Variants in RHBDD1 observed in about 807,000 individuals in gnomAD.
RHBDD1 encodes the protein rhomboid domain containing 1.
In RHBDD1, 38 loss-of-function variants were observed where a neutral mutation model predicts 36.3. The observed-to-expected ratio is 1.05, with a 90% CI of 0.81 to 1.37. The LOEUF is 1.37. RHBDD1 is among the 40% of genes most tolerant of loss of function. RHBDD1 has a pLI of 0.00. For missense variants in RHBDD1, 393 were observed against 377.6 expected, an observed-to-expected ratio of 1.04 and a Z score of -0.34; for synonymous variants, 151 against 136.5, an observed-to-expected ratio of 1.11 and a Z score of -0.74.
chr2:226,945,611 G>A (rs912990797), intron 8 of RHBDD1, among the ~76,000 whole-genome samples: 4 of 152,002 alleles, frequency 2.6e-5, no homozygotes, highest in South Asian at 2.1e-4. Flanking sequence ...GTAGTGCCGC[G>A]GTAAACATAC....
chr2:226,853,019 T>C, intron 3 of RHBDD1, among the ~76,000 whole-genome samples: 1 of 151,410 alleles, frequency 6.6e-6, no homozygotes, highest in African/African-American at 2.4e-5. Flanking sequence ...TCCTCCTACA[T>C]TGGCCTTACA....
chr2:226,927,745 T>C (rs540712127), intron 8 of RHBDD1, among the ~76,000 whole-genome samples: 1 of 152,256 alleles, frequency 6.6e-6, no homozygotes, highest in African/African-American at 2.4e-5. Flanking sequence ...ACTACCTATA[T>C]ATCTTCTTTG....
chr2:226,904,859 C>A (rs899713469), intron 5 of RHBDD1, among the ~76,000 whole-genome samples: 23 of 152,074 alleles, frequency 1.5e-4, no homozygotes, highest in African/African-American at 5.6e-4. Context: ...ATGGCGGATT[C>A]TTAGCTCTGT....
intron 3 of RHBDD1, among the ~76,000 whole-genome samples, chr2:226,855,928 CAG>C (rs976671577): frequency 2.0e-5 from 3 of 152,114 alleles, no homozygotes; most frequent in African/African-American, 7.2e-5. Context: ...AGGAAGGAAA[CAG>C]AGATCCCTAC....
chr2:226,944,889 G>A (rs1403552685), intron 8 of RHBDD1, among the ~76,000 whole-genome samples: 1 of 152,050 alleles, frequency 6.6e-6, no homozygotes, highest in Non-Finnish European at 1.5e-5. Context: ...AATGTGATGA[G>A]ACCTTAGTGA....
At chr2:226,807,760 C>G in the RHBDD1 span, 1 of 152,126 alleles carries the variant, frequency 6.6e-6, no homozygotes, top group Admixed American at 6.5e-5. Context: ...GAGGGGAAAC[C>G]ACTGGATGGT....
the RHBDD1 span, among the ~76,000 whole-genome samples, chr2:226,830,474 T>G: frequency 4.6e-5 from 7 of 152,344 alleles, no homozygotes; most frequent in African/African-American, 1.7e-4. Flanking sequence ...GTTTTTGTCC[T>G]CTAGCTTATT....
intron 5 of RHBDD1, among the ~76,000 whole-genome samples, chr2:226,883,330 G>A (rs1945929675): frequency 6.6e-6 from 1 of 152,158 alleles, no homozygotes; most frequent in African/African-American, 2.4e-5. Context: ...ATTTAAAAAT[G>A]TACACGTCAT....
intron 5 of RHBDD1, among the ~76,000 whole-genome samples, chr2:226,883,664 TC>T (rs1411766480): frequency 6.6e-6 from 1 of 152,204 alleles, no homozygotes; most frequent in Admixed American, 6.5e-5. Context: ...TTGTTAATAA[TC>T]AATTTTGGTG....
At chr2:226,894,013 ATAAAT>A (rs1946887761) in intron 5 of RHBDD1, among the ~76,000 whole-genome samples, 1 of 152,342 alleles carries the variant, frequency 6.6e-6, no homozygotes, top group Non-Finnish European at 1.5e-5. Flanking sequence ...AATTATATTA[ATAAAT>A]TAAATTGTAA....
At chr2:226,876,216 G>C (rs937228543) in intron 5 of RHBDD1, among the ~76,000 whole-genome samples, 7 of 152,180 alleles carry the variant, frequency 4.6e-5, no homozygotes, top group Non-Finnish European at 1.0e-4. Flanking sequence ...TGAATATGTG[G>C]TTTAGGACAG....
intron 8 of RHBDD1, among the ~76,000 whole-genome samples, chr2:226,947,751 G>A (rs1272514769): frequency 4.6e-5 from 7 of 152,124 alleles, no homozygotes. Flanking sequence ...CAAAAAGTGG[G>A]CGAAGGACAT....
In RHBDD1 at chr2:226,836,102, C is replaced by G. The variant is rs13015698; in HGVS notation, c.-392+15C>G. 2.6e-5 allele frequency: 4 copies of G among 152,692 alleles called. No individual in the cohort carries two copies. Among genetic ancestry groups the G allele is most frequent in the African/African-American group, 9.6e-5 (4 of 41,462 alleles). 9.5% of individuals were successfully genotyped at this position (152,692 alleles called of 1,614,324 possible). A position where few individuals can be genotyped will look rare whatever the true frequency, so the allele number is the denominator to read the frequency against. On this transcript the variant is annotated intron_variant, in intron 1 of 8. Coordinates refer to ENST00000392062, the MANE Select transcript of RHBDD1 (RefSeq NM_001167608.3). ...TCGTAGAGAGCGTGAGTTTCCGCGT[C>G]TGTTTGGTCCGGCTGCTGTCGTTGG... is the stretch of plus-strand genomic sequence containing the variant.
At chr2:226,822,573 G>A in the RHBDD1 span, among the ~76,000 whole-genome samples, 30 of 148,590 alleles carry the variant, frequency 2.0e-4, no homozygotes, top group East Asian at 4.8e-3. Context: ...GGCTGAGGTC[G>A]CAATGAGCCG....
At chr2:226,830,484 T>A in the RHBDD1 span, among the ~76,000 whole-genome samples, 2 of 152,222 alleles carry the variant, frequency 1.3e-5, no homozygotes, top group African/African-American at 4.8e-5. Flanking sequence ...TCTAGCTTAT[T>A]AATATGGTGT....
the RHBDD1 span, among the ~76,000 whole-genome samples, chr2:226,826,517 A>ATTTTT: frequency 1.3e-4 from 16 of 122,050 alleles, no homozygotes; most frequent in Non-Finnish European, 2.1e-4. Flanking sequence ...ATCATGATAG[A>ATTTTT]TTTTTTTTTT....
intron 5 of RHBDD1, among the ~76,000 whole-genome samples, chr2:226,884,602 G>A (rs556125419): frequency 5.4e-4 from 82 of 152,128 alleles, no homozygotes; most frequent in African/African-American, 1.8e-3. Flanking sequence ...AATTTATATT[G>A]CCATAGTTTC....
chr2:226,928,093 C>G (rs1949786344), intron 8 of RHBDD1, among the ~76,000 whole-genome samples: 1 of 152,076 alleles, frequency 6.6e-6, no homozygotes, highest in South Asian at 2.1e-4. Flanking sequence ...AGATATATAG[C>G]CCATTTTGAG....
chr2:226,875,188 T>C (rs1382397739), intron 5 of RHBDD1, among the ~76,000 whole-genome samples: 1 of 152,200 alleles, frequency 6.6e-6, no homozygotes, highest in Non-Finnish European at 1.5e-5. Flanking sequence ...TTAGTAAATA[T>C]TTGTTGTTGG....
Sources: allele counts gnomAD v4.1 joint callset (sites outside exome capture counted in the v4.1 genomes callset), GRCh38; gene constraint gnomAD v4.1.1; transcripts MANE v1.5; gene names NCBI Gene and HGNC (gene_info 2026-07-23, HGNC 2026-07-21).